The following MNAT1 variants were observed in gnomAD, a reference collection of about 807,000 sequenced individuals.
MNAT1 encodes MNAT1 component of CDK activating kinase, also known as CDK-activating kinase assembly factor MAT1.
MNAT1 carries 43 observed loss-of-function variants against 42.0 expected under a neutral mutation model. The observed-to-expected ratio is 1.02, with a 90% CI of 0.80 to 1.32. MNAT1 has a LOEUF of 1.32. Among genes scored for constraint, MNAT1 ranks in the 40% most tolerant of loss-of-function variants. The probability of loss-of-function intolerance (pLI) is 0.00; values close to 1 mark genes in which losing one functional copy is unlikely to be tolerated. For synonymous variants in MNAT1, 118 were observed against 120.0 expected, an observed-to-expected ratio of 0.98 and a Z score of 0.11; for missense variants, 306 against 350.4, an observed-to-expected ratio of 0.87 and a Z score of 1.01.
chr14:60,968,916 A>G lies in MNAT1; in HGVS notation c.*567A>G, dbSNP rs375530095. 9 of 181,076 alleles carry G rather than the reference A, an allele frequency of 5.0e-5. No individual in the cohort carries two copies. The highest frequency in any genetic ancestry group is 2.2e-4 in the African/African-American group (9 of 41,722). 11.2% of individuals were successfully genotyped at this position (181,076 alleles called of 1,614,324 possible). ...TCATTCCCTCAATACTAAGGACTCA[A>G]TGCCTGTTTTAAGCAGTGGAAAATG... On this transcript the variant is annotated 3_prime_UTR_variant, in exon 8 of 8. Coordinates refer to ENST00000261245, the MANE Select transcript of MNAT1 (RefSeq NM_002431.4).
chr14:60,961,888 A>G (rs932028749), intron 7 of MNAT1, among the ~76,000 whole-genome samples: 2 of 152,224 alleles, frequency 1.3e-5, no homozygotes, highest in African/African-American at 4.8e-5. Context: ...TGGAATTTCT[A>G]GTAAAAAATT....
chr14:60,841,630 A>T (rs1240792093), intron 6 of MNAT1, among the ~76,000 whole-genome samples: 1 of 151,534 alleles, frequency 6.6e-6, no homozygotes, highest in East Asian at 1.9e-4. Context: ...GCTTCTATTG[A>T]CTGATTTTTT....
chr14:60,753,091 C>T (rs183177863), intron 1 of MNAT1, among the ~76,000 whole-genome samples: 1 of 152,300 alleles, frequency 6.6e-6, no homozygotes, highest in African/African-American at 2.4e-5. Flanking sequence ...TGCTGTCTAA[C>T]AAATTATCCT....
At chr14:60,949,874 A>G (rs1188535334) in intron 7 of MNAT1, among the ~76,000 whole-genome samples, 1 of 152,196 alleles carries the variant, frequency 6.6e-6, no homozygotes, top group Non-Finnish European at 1.5e-5. Context: ...GGGCCTAAGT[A>G]TTAAAAATGT....
Position 60,780,672 on chromosome 14 carries a change from G to A in MNAT1, c.90-15545G>A, listed in dbSNP as rs2031426321. ...AAATCAAGTCATCTATAGTTGATAT[G>A]TTTTATTTCATTGGTTAATTTATAC... On this transcript the variant is annotated intron_variant, in intron 1 of 7. Coordinates refer to ENST00000261245, the MANE Select transcript of MNAT1 (RefSeq NM_002431.4). 5.7e-6 allele frequency: 5 copies of A among 883,922 alleles called. No homozygotes were observed. The East Asian group carries it at 7.3e-5, about 13-fold the overall frequency. The allele number at this position is 883,922 out of a possible 1,614,324, so 54.8% of individuals were successfully genotyped here.
intron 6 of MNAT1, among the ~76,000 whole-genome samples, chr14:60,856,691 T>TG (rs2033966621): frequency 6.6e-6 from 1 of 151,640 alleles, no homozygotes; most frequent in Non-Finnish European, 1.5e-5. Flanking sequence ...CGCTTTTTTT[T>TG]TTTTTTTTGA....
At chr14:60,893,789 G>A (rs1268243550) in intron 7 of MNAT1, among the ~76,000 whole-genome samples, 2 of 152,034 alleles carry the variant, frequency 1.3e-5, no homozygotes, top group African/African-American at 4.8e-5. Context: ...GCCACAGAGG[G>A]CTTCTCTCTT....
Position 60,841,487 on chromosome 14 carries a change from T to A in MNAT1, c.687+22640T>A, listed in dbSNP as rs533419100. Among the ~76,000 whole-genome samples, 7 of 152,312 alleles carry A rather than the reference T, an allele frequency of 4.6e-5. No homozygotes were observed. In the East Asian group the frequency reaches 1.3e-3, roughly 29 times the overall value. The stretch of plus-strand genomic sequence containing the variant: ...TTAATCTTTAGATGTTCTGTTTGGG[T>A]CTTTTTTGCACCTTTGATTTCTCTC... On this transcript the variant is annotated intron_variant, in intron 6 of 7. Transcript: ENST00000261245.
intron 1 of MNAT1, among the ~76,000 whole-genome samples, chr14:60,750,529 CTTTTTTTTTTTTTT>C (rs775053270): frequency 2.2e-5 from 2 of 90,678 alleles, no homozygotes; most frequent in African/African-American, 8.4e-5. Context: ...TGCGCCCAGC[CTTTTTTTTTTTTTT>C]TTTTTTTTTG....
intron 7 of MNAT1, among the ~76,000 whole-genome samples, chr14:60,949,496 A>G (rs1191223672): frequency 6.6e-6 from 1 of 152,184 alleles, no homozygotes. Context: ...TTTAGAAAAA[A>G]GTCATATGTA....
chr14:60,738,532 G>C (rs1896374407), intron 1 of MNAT1, among the ~76,000 whole-genome samples: 1 of 152,076 alleles, frequency 6.6e-6, no homozygotes, highest in Non-Finnish European at 1.5e-5. Context: ...TGGGATTACA[G>C]GTGTGAGCCA....
At chr14:60,836,245 T>C (rs1160207281) in intron 6 of MNAT1, among the ~76,000 whole-genome samples, 1 of 152,212 alleles carries the variant, frequency 6.6e-6, no homozygotes, top group African/African-American at 2.4e-5. Flanking sequence ...TGTCAGTTCA[T>C]CAAACTCATT....
At chr14:60,748,888 A>G (rs781495685) in intron 1 of MNAT1, among the ~76,000 whole-genome samples, 1 of 152,154 alleles carries the variant, frequency 6.6e-6, no homozygotes, top group African/African-American at 2.4e-5. Flanking sequence ...ATTATTAACT[A>G]TTATGCACTG....
At chr14:60,962,169 CAAT>C (rs1302941568) in intron 7 of MNAT1, among the ~76,000 whole-genome samples, 2 of 151,964 alleles carry the variant, frequency 1.3e-5, no homozygotes, top group African/African-American at 4.8e-5. Context: ...AAAATAAAAA[CAAT>C]ATTTATGCCA....
intron 1 of MNAT1, among the ~76,000 whole-genome samples, chr14:60,738,627 C>T (rs1285358890): frequency 1.3e-5 from 2 of 151,964 alleles, no homozygotes; most frequent in Non-Finnish European, 2.9e-5. Flanking sequence ...CCTCTGCCTC[C>T]CGGGTTCAAG....
chr14:60,902,188 C>T lies in MNAT1; in HGVS notation c.809+22353C>T, dbSNP rs148717560. Among the ~76,000 whole-genome samples, 11 of 152,218 alleles carry T rather than the reference C, an allele frequency of 7.2e-5. No homozygotes were observed. In the East Asian group the frequency reaches 1.3e-3, roughly 19 times the overall value. ...CATCAGCAAAAAGATTAGGACTAGC[C>T]GATGGCCCAGAGGATCATTATCATT... On this transcript the variant is annotated intron_variant, in intron 7 of 7. Coordinates refer to ENST00000261245, the MANE Select transcript of MNAT1 (RefSeq NM_002431.4).
intron 6 of MNAT1, among the ~76,000 whole-genome samples, chr14:60,847,102 T>G (rs2033700628): frequency 6.6e-6 from 1 of 152,182 alleles, no homozygotes; most frequent in Non-Finnish European, 1.5e-5. Context: ...ACAGTTTTTG[T>G]CTTAAAGACT....
intron 5 of MNAT1, among the ~76,000 whole-genome samples, chr14:60,814,572 A>T (rs922870630): frequency 2.0e-5 from 3 of 152,130 alleles, no homozygotes; most frequent in Non-Finnish European, 2.9e-5. Context: ...AAATATGTAT[A>T]TATGTGTTCT....
In MNAT1 at chr14:60,784,179, A is replaced by ATTTTTTTTTTTTT. The variant is rs71114155; in HGVS notation, c.90-12026_90-12014dup. ...AGATACGTGCCACCATGCCTGGCTA[A>ATTTTTTTTTTTTT]TTTTTTTTTTTTTTTTTTTTTTTTA... On this transcript the variant is annotated intron_variant, in intron 1 of 7. Coordinates refer to ENST00000261245, the MANE Select transcript of MNAT1 (RefSeq NM_002431.4). 3.8e-4 allele frequency among the ~76,000 whole-genome samples: 20 copies of ATTTTTTTTTTTTT among 53,292 alleles called. 6 individuals carry two copies. Among genetic ancestry groups the ATTTTTTTTTTTTT allele is most frequent in the African/African-American group, 1.4e-3 (18 of 13,100 alleles). 35.0% of individuals were successfully genotyped at this position (53,292 alleles called of 152,430 possible).
Sources: gnomAD v4.1 joint callset for allele counts (sites outside exome capture counted in the v4.1 genomes callset) on GRCh38, gnomAD v4.1.1 for gene constraint, MANE v1.5 for transcripts, NCBI Gene and HGNC (gene_info 2026-07-23, HGNC 2026-07-21) for gene names.